The following P4HA1 variants were observed in gnomAD, a reference collection of about 807,000 sequenced individuals.
The protein encoded by P4HA1 is prolyl 4-hydroxylase subunit alpha-1.
A neutral mutation model predicts 72.8 loss-of-function variants in P4HA1; 24 were observed. That is an observed-to-expected ratio of 0.33 (90% CI 0.24 to 0.46). P4HA1 has a LOEUF of 0.46. Ranked by LOEUF, P4HA1 falls within the 20% of genes least tolerant of loss-of-function variation. P4HA1 has a pLI of 1.00. For missense variants in P4HA1, 446 were observed against 640.6 expected (o/e 0.70, Z 3.28); for synonymous variants, 201 against 218.8 (o/e 0.92, Z 0.72).
chr10:73,022,007 C>G (rs184099596), intron 10 of P4HA1, among the ~76,000 whole-genome samples: 1 of 152,222 alleles, frequency 6.6e-6, no homozygotes, highest in African/African-American at 2.4e-5. Context: ...CTGGGCGGAG[C>G]CCACCACAGC....
intron 9 of P4HA1, among the ~76,000 whole-genome samples, chr10:73,044,346 A>T (rs1840805553): frequency 6.6e-6 from 1 of 152,180 alleles, no homozygotes; most frequent in South Asian, 2.1e-4. Context: ...CTGAGATAAA[A>T]CTGTTTTTAA....
At chr10:73,027,763 A>AG (rs1379297765) in intron 10 of P4HA1, among the ~76,000 whole-genome samples, 1 of 142,086 alleles carries the variant, frequency 7.0e-6, no homozygotes, top group Non-Finnish European at 1.5e-5. Flanking sequence ...AGGGAAGGGA[A>AG]GGAAGGAAGG....
chr10:73,015,072 C>T (rs1839984652), intron 11 of P4HA1, among the ~76,000 whole-genome samples: 1 of 151,834 alleles, frequency 6.6e-6, no homozygotes, highest in Non-Finnish European at 1.5e-5. Flanking sequence ...CTCAAGTGAT[C>T]CACCCACCTT....
chr10:73,075,604 TTTAAATA>T (rs1485808947), intron 1 of P4HA1, among the ~76,000 whole-genome samples: 3 of 152,148 alleles, frequency 2.0e-5, no homozygotes, highest in African/African-American at 7.2e-5. Context: ...AACTTATCAA[TTTAAATA>T]TTAAATATTA....
chr10:73,093,918 A>ATC (rs1244184971), intron 1 of P4HA1, among the ~76,000 whole-genome samples: 1 of 128,932 alleles, frequency 7.8e-6, no homozygotes, highest in African/African-American at 3.0e-5. Context: ...ACACACACAC[A>ATC]CACACACACA....
At chr10:73,086,636 A>G (rs1051020670) in intron 1 of P4HA1, among the ~76,000 whole-genome samples, 4 of 152,212 alleles carry the variant, frequency 2.6e-5, no homozygotes, top group African/African-American at 9.6e-5. Flanking sequence ...TTTTAAAAAA[A>G]TTAAAAAGAA....
intron 4 of P4HA1, 32 bp from the exon 5 acceptor site, chr10:73,069,015 T>C (rs748570105): frequency 1.1e-5 from 17 of 1,507,860 alleles, no homozygotes; most frequent in Non-Finnish European, 1.5e-5. Context: ...AAAAAAAAAC[T>C]GTAGAACCTC....
chr10:73,047,473 C>A (rs1323177627), intron 7 of P4HA1, among the ~76,000 whole-genome samples: 1 of 140,318 alleles, frequency 7.1e-6, no homozygotes, highest in Non-Finnish European at 1.5e-5. Flanking sequence ...AACTGGAAAG[C>A]ACCCAGAGAC....
At chr10:73,023,278 T>C (rs1304641616) in intron 10 of P4HA1, among the ~76,000 whole-genome samples, 1 of 152,136 alleles carries the variant, frequency 6.6e-6, no homozygotes, top group African/African-American at 2.4e-5. Context: ...GGGAGGCCCA[T>C]CAGACTAACA....
At chr10:73,052,443 CTT>C (rs1334253155) in intron 6 of P4HA1, among the ~76,000 whole-genome samples, 1 of 152,132 alleles carries the variant, frequency 6.6e-6, no homozygotes, top group Non-Finnish European at 1.5e-5. Flanking sequence ...GTGTAGGTGT[CTT>C]TGAGTGACTG....
At chr10:73,091,141 A>C (rs1334564381) in intron 1 of P4HA1, among the ~76,000 whole-genome samples, 2 of 150,928 alleles carry the variant, frequency 1.3e-5, no homozygotes, top group African/African-American at 2.4e-5. Flanking sequence ...GTAACCTTTG[A>C]CTATGAATAT....
intron 5 of P4HA1, among the ~76,000 whole-genome samples, chr10:73,055,542 G>A (rs74818016): frequency 0.052 from 7,961 of 152,140 alleles, 662 homozygotes; most frequent in African/African-American, 0.18. Context: ...TTCCCATTCT[G>A]TGTGTTGTCT....
chr10:73,059,423 TTAAAAAAAAAAAAAAAAAAAAAAAAAAA>T (rs1841250531), intron 5 of P4HA1, among the ~76,000 whole-genome samples: 1 of 47,580 alleles, frequency 2.1e-5, no homozygotes, highest in African/African-American at 9.0e-5. Flanking sequence ...GACAATATAT[TTAAAAAAAAAAAAAAAAAAAAAAAAAAA>T]AAAAAAAAAA....
At chr10:73,040,205 T>TA (rs1589595976) in intron 9 of P4HA1, among the ~76,000 whole-genome samples, 1 of 152,058 alleles carries the variant, frequency 6.6e-6, no homozygotes. Context: ...TCTGCTATCA[T>TA]TTATAATATG....
chr10:73,046,920 T>C lies in P4HA1; in HGVS notation c.1077+5A>G. 6.3e-7 allele frequency: 1 copy of C among 1,586,322 alleles called. No homozygotes were observed. Among genetic ancestry groups the C allele is most frequent in the Non-Finnish European group, 8.6e-7 (1 of 1,161,212 alleles). ...TTGAGGAGAAAGAAAGAAAACATTA[T>C]TTACCCTTGGTTTTGCTAGGTCTTT... On this transcript the variant is annotated splice_donor_5th_base_variant and intron_variant, in intron 8 of 14. Coordinates refer to ENST00000394890, the MANE Select transcript of P4HA1 (RefSeq NM_001017962.3).
intron 1 of P4HA1, among the ~76,000 whole-genome samples, chr10:73,093,873 A>AAAT (rs1564640954): frequency 3.1e-4 from 9 of 29,324 alleles, no homozygotes; most frequent in Admixed American, 1.3e-3. Flanking sequence ...AAAAAAAAAA[A>AAAT]ATATATATAT....
chr10:73,010,988 G>C lies in P4HA1; in HGVS notation c.1418C>G (p.Ala473Gly), dbSNP rs565202062. The change falls in exon 13 of 15, where the codon GCT becomes GGT. Residue 473 changes from alanine to glycine, a missense_variant. Physicochemically the swap from Ala to Gly is moderately conservative, Grantham distance 60. Transcript: ENST00000394890. ...GCTTACTTTTTTGGGCCAAACACTA[G>C]CTCCAACTTCAGGAAAAACAGTGGC... ...GGATVFPEVG[A>G]SVWPKKGTAV... 1 of 1,613,328 alleles carries C rather than the reference G, an allele frequency of 6.2e-7. No individual in the cohort carries two copies. The highest frequency in any genetic ancestry group is 1.3e-5 in the African/African-American group (1 of 74,844).
intron 5 of P4HA1, among the ~76,000 whole-genome samples, chr10:73,064,858 G>T (rs535319113): frequency 1.3e-5 from 2 of 152,038 alleles, no homozygotes; most frequent in South Asian, 4.1e-4. Context: ...AAAAGAAATC[G>T]ATTTTTATGG....
At chr10:73,066,210 T>G (rs117591271) in intron 5 of P4HA1, among the ~76,000 whole-genome samples, 5 of 152,274 alleles carry the variant, frequency 3.3e-5, no homozygotes, top group African/African-American at 1.2e-4. Flanking sequence ...TTACCACTTA[T>G]AGGGTATAAT....
Sources: gnomAD v4.1 joint callset for allele counts (sites outside exome capture counted in the v4.1 genomes callset) on GRCh38, gnomAD v4.1.1 for gene constraint, MANE v1.5 for transcripts, NCBI Gene and HGNC (gene_info 2026-07-23, HGNC 2026-07-21) for gene names.